Variants in MPI observed in about 807,000 individuals in gnomAD.
MPI encodes mannose-6-phosphate isomerase.
Under a neutral mutation model 40.1 loss-of-function variants are expected in MPI, and 33 were observed. The observed-to-expected ratio is 0.82, with a 90% CI of 0.62 to 1.10. The LOEUF is 1.10. Among genes scored for constraint, MPI ranks in the 50% least tolerant of loss-of-function variants. The pLI, the probability that MPI is intolerant of heterozygous loss-of-function variation, is 0.00. For synonymous variants in MPI, 187 were observed against 207.4 expected, an observed-to-expected ratio of 0.90 and a Z score of 0.85; for missense variants, 514 against 524.1, an observed-to-expected ratio of 0.98 and a Z score of 0.19.
chr15:74,898,394 A>G lies in MPI; in HGVS notation c.*664A>G, dbSNP rs1307161521. 1 of 170,184 alleles carries G rather than the reference A, an allele frequency of 5.9e-6. No homozygotes were observed. The allele number at this position is 170,184 out of a possible 1,614,324, so 10.5% of individuals were successfully genotyped here. A position where few individuals can be genotyped will look rare whatever the true frequency, so the allele number is the denominator to read the frequency against. On this transcript the variant is annotated 3_prime_UTR_variant, in exon 8 of 8. Coordinates refer to ENST00000352410, the MANE Select transcript of MPI (RefSeq NM_002435.3). ...GAACACCGGTATGGGAAGGAGTGGG[A>G]GAGGAAGCCAGCTTTGGCCTCACAG...
chr15:74,895,183 G>A (rs1183775058), intron 5 of MPI, among the ~76,000 whole-genome samples: 1 of 146,876 alleles, frequency 6.8e-6, no homozygotes, highest in African/African-American at 2.5e-5. Context: ...CACCATGTTG[G>A]TCAAACTGGT....
chr15:74,890,323 A>T, intron 1 of MPI: 2 of 847,332 alleles, frequency 2.4e-6, no homozygotes, highest in Non-Finnish European at 3.8e-6. Context: ...ACCCTGCCTC[A>T]GATCAGCACA....
intron 6 of MPI, 25 bp from the exon 7 acceptor site, chr15:74,896,986 T>G (rs2064827410): frequency 6.2e-7 from 1 of 1,611,848 alleles, no homozygotes; most frequent in Non-Finnish European, 8.5e-7. Flanking sequence ...TTCATCAGCT[T>G]AGCACATGAC....
At chr15:74,897,461 T>C (rs1260298429) in intron 7 of MPI, 51 bp from the exon 8 acceptor site, 2 of 1,575,480 alleles carry the variant, frequency 1.3e-6, no homozygotes, top group African/African-American at 2.7e-5. Context: ...GCCCATGAGC[T>C]GATGAGAGCA....
intron 5 of MPI, among the ~76,000 whole-genome samples, chr15:74,894,107 T>TGTGTGTTTCTGAGCCAG (rs1555478772): frequency 6.6e-5 from 4 of 61,002 alleles, no homozygotes; most frequent in East Asian, 3.5e-4. Flanking sequence ...TGTGTGTGTG[T>TGTGTGTTTCTGAGCCAG]GGTCTCTTTC....
At chr15:74,895,048 C>T (rs1178519856) in intron 5 of MPI, among the ~76,000 whole-genome samples, 6 of 150,596 alleles carry the variant, frequency 4.0e-5, no homozygotes, top group African/African-American at 1.5e-4. Context: ...TCACTGCAAC[C>T]TCCGCCTCCC....
At chr15:74,890,721 A>T in intron 2 of MPI, 67 bp downstream of exon 2, 3 of 1,603,752 alleles carry the variant, frequency 1.9e-6, no homozygotes. Context: ...GAGGCAAGTC[A>T]TAAGAATCAG....
rs774827167 is a variant in MPI at position 74,896,162 on chromosome 15, AAAC to A, written c.686_688del (p.Asn229del). 3 of 1,614,128 alleles carry A rather than the reference AAAC, an allele frequency of 1.9e-6. No individual in the cohort carries two copies. Among genetic ancestry groups the A allele is most frequent in the Non-Finnish European group, 1.7e-6 (2 of 1,180,016 alleles). The stretch of plus-strand genomic sequence containing the variant: ...CTCTGTGACCCTCAGCGGCTGCCGG[AAAC>A]AACATGGAGGACATCTTTGGGGAGC... On this transcript the variant is annotated inframe_deletion, in exon 6 of 8. Transcript: ENST00000352410.
chr15:74,897,562 C>T lies in MPI; in HGVS notation c.1104C>T (p.Ser368=), dbSNP rs371471033. The T allele has an allele frequency of 6.2e-7, 1 of 1,614,080 alleles. No individual in the cohort carries two copies. The highest frequency in any genetic ancestry group is 8.5e-7 in the Non-Finnish European group (1 of 1,180,026). Residue 368 remains serine (S), a synonymous_variant, in exon 8 of 8, where the codon AGC becomes AGT. Transcript: ENST00000352410. The stretch of plus-strand genomic sequence containing the variant: ...AGGTCTTGGCACTGGACTCTGCCAG[C>T]ATCCTCCTGATGGTACAGGGGACAG... ...EYKVLALDSA[S]ILLMVQGTVI... is the part of the protein sequence containing the mutation.
intron 2 of MPI, 79 bp downstream of exon 2, chr15:74,890,733 T>C: frequency 6.3e-7 from 1 of 1,598,024 alleles, no homozygotes; most frequent in Non-Finnish European, 8.5e-7. Context: ...AAGAATCAGC[T>C]GGGAAGGGTG....
At position 74,896,170 on chromosome 15, in the gene MPI, T is replaced by C. The variant is rs367893149; in HGVS notation, c.689T>C (p.Met230Thr). ...CCCTCAGCGGCTGCCGGAAACAACATGGAGGACATCTTTGGGGAGCTTTTG... is the reference window on the plus strand; with the variant it reads ...CCCTCAGCGGCTGCCGGAAACAACACGGAGGACATCTTTGGGGAGCTTTTG... ...ISQQAAAGNNMEDIFGELLLQ... is the reference protein window; with the variant it reads ...ISQQAAAGNNTEDIFGELLLQ... Residue 230 changes from methionine (M) to threonine (T), a missense_variant, in exon 6 of 8, where the codon ATG becomes ACG. Coordinates refer to ENST00000352410, the MANE Select transcript of MPI (RefSeq NM_002435.3). 2.6e-5 allele frequency: 42 copies of C among 1,613,978 alleles called. No individual in the cohort carries two copies. Among genetic ancestry groups the C allele is most frequent in the Admixed American group, 1.7e-4 (10 of 59,994 alleles).
At position 74,897,106 on chromosome 15, in the gene MPI, T is replaced by C. The variant is rs748410219; in HGVS notation, c.940T>C (p.Tyr314His). The change falls in exon 7 of 8, where the codon TAT becomes CAT. Residue 314 changes from tyrosine (Y) to histidine (H), a missense_variant. Tyr to His is a moderately conservative substitution (Grantham distance 83, BLOSUM62 2). Coordinates refer to ENST00000352410, the MANE Select transcript of MPI (RefSeq NM_002435.3). ...GCCAACCCTGTGTGAAATGCTCAGC[T>C]ATACCCCTAGCTCCAGCAAGGACAG... ...DVPTLCEMLS[Y>H]TPSSSKDRLF... 6.2e-7 allele frequency: 1 copy of C among 1,614,202 alleles called. No individual in the cohort carries two copies. Among genetic ancestry groups the C allele is most frequent in the Non-Finnish European group, 8.5e-7 (1 of 1,180,030 alleles).
At chr15:74,892,204 G>A (rs2050588277) in intron 3 of MPI, among the ~76,000 whole-genome samples, 1 of 152,148 alleles carries the variant, frequency 6.6e-6, no homozygotes, top group Admixed American at 6.5e-5. Context: ...ATGTTGGCCA[G>A]GCTGGTCTTG....
Position 74,901,865 on chromosome 15 carries a change from A to G in MPI, c.*4135A>G. ...CTGGGTGAAGAAACTCACCCAGACC[A>G]AGGAAATACAAATAAATAAATATGA... On this transcript the variant is annotated 3_prime_UTR_variant, in exon 8 of 8. Transcript: ENST00000352410. The G allele has an allele frequency of 2.7e-6, 1 of 364,222 alleles. No individual in the cohort carries two copies. Among genetic ancestry groups the G allele is most frequent in the Admixed American group, 4.6e-5 (1 of 21,628 alleles). 22.6% of individuals were successfully genotyped at this position (364,222 alleles called of 1,614,324 possible). A position where few individuals can be genotyped will look rare whatever the true frequency, so the allele number is the denominator to read the frequency against.
In MPI at chr15:74,891,539, C is replaced by T. The variant is rs104894494; in HGVS notation, c.305C>T (p.Ser102Leu). 3.6e-5 allele frequency: 58 copies of T among 1,614,098 alleles called. No individual in the cohort carries two copies. The highest frequency in any genetic ancestry group is 1.0e-4 in the Admixed American group (6 of 59,996). The change falls in exon 3 of 8, where the codon TCA (serine) becomes TTA (leucine). Residue 102 changes from serine to leucine, a missense_variant. Coordinates refer to ENST00000352410, the MANE Select transcript of MPI (RefSeq NM_002435.3). The part of the protein sequence containing the change: ...GNLPFLFKVL[S>L]VETPLSIQAH... Reference sequence around the variant, plus strand: ...CTGCCCTTCCTCTTCAAAGTGCTCTCAGTTGAAACACCCCTGTCCATCCAG... The same window carrying T: ...CTGCCCTTCCTCTTCAAAGTGCTCTTAGTTGAAACACCCCTGTCCATCCAG...
chr15:74,900,457 C>T lies in MPI; in HGVS notation c.*2727C>T, dbSNP rs947255538. On this transcript the variant is annotated 3_prime_UTR_variant, in exon 8 of 8. Transcript: ENST00000352410. ...TGCTAAACACCCAGGCCATTCTGCCCTGACCACCTCCCCAACAGAGATGTA... is the reference window on the plus strand; with the variant it reads ...TGCTAAACACCCAGGCCATTCTGCCTTGACCACCTCCCCAACAGAGATGTA... 1 of 152,344 alleles carries T rather than the reference C, an allele frequency of 6.6e-6. No individual in the cohort carries two copies. The highest frequency in any genetic ancestry group is 2.4e-5 in the African/African-American group (1 of 41,450). 9.4% of individuals were successfully genotyped at this position (152,344 alleles called of 1,614,324 possible). A position where few individuals can be genotyped will look rare whatever the true frequency, so the allele number is the denominator to read the frequency against.
intron 5 of MPI, chr15:74,895,664 T>C (rs2064807755): frequency 1.2e-5 from 2 of 160,732 alleles, no homozygotes; most frequent in South Asian, 1.7e-4. Context: ...TCCCTAGATT[T>C]TGAGCTCCAA....
intron 7 of MPI, 57 bp from the exon 8 acceptor site, chr15:74,897,455 A>G (rs2064838014): frequency 1.9e-6 from 3 of 1,560,924 alleles, no homozygotes; most frequent in South Asian, 2.2e-5. Context: ...TCCTGGGCCC[A>G]TGAGCTGATG....
intron 2 of MPI, chr15:74,891,022 T>C: frequency 3.5e-6 from 2 of 567,592 alleles, no homozygotes; most frequent in Non-Finnish European, 3.3e-6. Flanking sequence ...CCTCTGCTTC[T>C]GAAACTGGAA....
Sources: gnomAD v4.1 joint callset for allele counts (sites outside exome capture counted in the v4.1 genomes callset) on GRCh38, gnomAD v4.1.1 for gene constraint, MANE v1.5 for transcripts, NCBI Gene and HGNC (gene_info 2026-07-23, HGNC 2026-07-21) for gene names.